CPAMD8: variants seen among roughly 807,000 people sequenced by gnomAD.
The protein encoded by CPAMD8 is C3 and PZP like alpha-2-macroglobulin domain containing 8.
CPAMD8 carries 146 observed loss-of-function variants against 224.7 expected under a neutral mutation model. The observed-to-expected ratio is 0.65, with a 90% CI of 0.57 to 0.75. The LOEUF is 0.75. Among genes scored for constraint, CPAMD8 ranks in the 30% least tolerant of loss-of-function variants. The probability of loss-of-function intolerance (pLI) is 0.00; values close to 1 mark genes in which losing one functional copy is unlikely to be tolerated. For missense variants in CPAMD8, 2,301 were observed against 2,537.5 expected, an observed-to-expected ratio of 0.91 and a Z score of 2.00; for synonymous variants, 966 against 1,044.6, an observed-to-expected ratio of 0.92 and a Z score of 1.45.
chr19:16,950,019 C>T (rs1208395514), intron 20 of CPAMD8, among the ~76,000 whole-genome samples: 3 of 152,162 alleles, frequency 2.0e-5, no homozygotes, highest in African/African-American at 7.2e-5. Flanking sequence ...TGAAGGTGGC[C>T]AGGCGTGGTG....
intron 3 of CPAMD8, among the ~76,000 whole-genome samples, chr19:17,012,670 A>G (rs2056694046): frequency 6.6e-6 from 1 of 152,172 alleles, no homozygotes; most frequent in African/African-American, 2.4e-5. Context: ...GAGGCTGAGA[A>G]ACACTGGTCT....
rs758536032 is a variant in CPAMD8 at position 16,989,746 on chromosome 19, T to A, written c.1292A>T (p.Lys431Met). 1 of 1,614,034 alleles carries A rather than the reference T, an allele frequency of 6.2e-7. No individual in the cohort carries two copies. Among genetic ancestry groups the A allele is most frequent in the African/African-American group, 1.3e-5 (1 of 75,050 alleles). The change falls in exon 13 of 42, where the codon AAG (lysine) becomes ATG (methionine). Residue 431 changes from lysine (K) to methionine (M), a missense_variant. Lys to Met is a moderately conservative substitution (Grantham distance 95). This residue lies in a region of CPAMD8 where 301 missense variants were observed against 406.6 expected (regional missense o/e 0.74). Transcript: ENST00000443236. ...GGGCAGGTACTGAGCCCCCACAGGC[T>A]TCCCGTTCAGTGCCATCACCTTGGT... The part of the protein sequence containing the change: ...LETKVMALNG[K>M]PVGAQYLPSY...
Position 16,925,472 on chromosome 19 carries a change from G to A in CPAMD8, c.3371-100C>T, listed in dbSNP as rs555221601. 20 of 953,388 alleles carry A rather than the reference G, an allele frequency of 2.1e-5. No individual in the cohort carries two copies. In the Admixed American group the frequency reaches 4.0e-4, roughly 19 times the overall value. 59.1% of individuals were successfully genotyped at this position (953,388 alleles called of 1,614,324 possible). ...GATGGGAGACAGTGAGTGTCATGCAGTCAGCCACCCAACTGCCCTTTGGGA... is the reference window on the plus strand; with the variant it reads ...GATGGGAGACAGTGAGTGTCATGCAATCAGCCACCCAACTGCCCTTTGGGA... On this transcript the variant is annotated intron_variant, in intron 25 of 41. Coordinates refer to ENST00000443236, the MANE Select transcript of CPAMD8 (RefSeq NM_015692.5).
At chr19:17,001,977 G>A (rs896662485) in intron 9 of CPAMD8, among the ~76,000 whole-genome samples, 6 of 151,070 alleles carry the variant, frequency 4.0e-5, no homozygotes, top group African/African-American at 1.5e-4. Flanking sequence ...GAGGGAGGAG[G>A]ACACCCCAGG....
intron 25 of CPAMD8, 36 bp downstream of exon 25, chr19:16,927,973 C>A (rs752415164): frequency 2.0e-6 from 3 of 1,502,678 alleles, no homozygotes; most frequent in Non-Finnish European, 2.8e-6. Flanking sequence ...CTCTTGCCCC[C>A]TGACCTCTCC....
At position 16,898,142 on chromosome 19, in the gene CPAMD8, T is replaced by G; in HGVS notation, c.4849-148A>C. ...CCCATTTTCTTTTTTTCTTTTACTT[T>G]TCTTTTTTTTTTTTTTTCCTGAGAC... On this transcript the variant is annotated intron_variant, in intron 37 of 41. Transcript: ENST00000443236. This position sits in a 1 kb window ranked among gnomAD's most constrained non-coding sequence, Gnocchi z 4.2. 1.7e-6 allele frequency: 1 copy of G among 593,156 alleles called. No homozygotes were observed. The highest frequency in any genetic ancestry group is 2.9e-6 in the Non-Finnish European group (1 of 344,316). 36.7% of individuals were successfully genotyped at this position (593,156 alleles called of 1,614,324 possible).
chr19:16,957,588 A>G (rs2054512203), intron 19 of CPAMD8: 3 of 422,278 alleles, frequency 7.1e-6, no homozygotes, highest in South Asian at 7.8e-5. Flanking sequence ...CGTTATACAA[A>G]CAGAGCAGAT....
At chr19:17,002,496 G>A (rs1409004925) in intron 8 of CPAMD8, 146 bp from the exon 9 acceptor site, 1 of 572,068 alleles carries the variant, frequency 1.7e-6, no homozygotes, top group Admixed American at 2.9e-5. Context: ...ACTCTGCTGA[G>A]CAGCCCTGGG....
chr19:16,973,642 C>A, intron 17 of CPAMD8, among the ~76,000 whole-genome samples: 1 of 151,888 alleles, frequency 6.6e-6, no homozygotes, highest in East Asian at 1.9e-4. Flanking sequence ...AGACACCACA[C>A]CTGGCCAGAA....
intron 19 of CPAMD8, 35 bp downstream of exon 19, chr19:16,957,818 G>C: frequency 6.2e-7 from 1 of 1,610,234 alleles, no homozygotes; most frequent in Non-Finnish European, 8.5e-7. Flanking sequence ...TCACTCAACC[G>C]GCAAAGTCAG....
chr19:16,930,266 GA>G (rs918089505), intron 23 of CPAMD8, among the ~76,000 whole-genome samples: 39 of 142,260 alleles, frequency 2.7e-4, no homozygotes, highest in Middle Eastern at 3.5e-3. Flanking sequence ...AAAAAAAAAA[GA>G]AAAAAAAAAG....
At chr19:16,967,017 C>T (rs1305758968) in intron 18 of CPAMD8, among the ~76,000 whole-genome samples, 3 of 152,050 alleles carry the variant, frequency 2.0e-5, no homozygotes, top group Admixed American at 6.6e-5. Flanking sequence ...ATAAATTATG[C>T]TACTATAAAG....
At chr19:16,978,838 A>C (rs544821537) in intron 14 of CPAMD8, among the ~76,000 whole-genome samples, 47 of 150,392 alleles carry the variant, frequency 3.1e-4, no homozygotes, top group Admixed American at 3.0e-3. Flanking sequence ...CCACTCACCC[A>C]CCATCCACCC....
intron 24 of CPAMD8, among the ~76,000 whole-genome samples, chr19:16,928,509 A>G (rs1480412510): frequency 6.6e-6 from 1 of 152,100 alleles, no homozygotes; most frequent in Non-Finnish European, 1.5e-5. Context: ...TGCCTAGAGA[A>G]CCTACTCTGC....
At chr19:16,968,826 A>G (rs2054949313) in intron 18 of CPAMD8, among the ~76,000 whole-genome samples, 1 of 151,936 alleles carries the variant, frequency 6.6e-6, no homozygotes, top group Non-Finnish European at 1.5e-5. Flanking sequence ...TTGTGTAGAG[A>G]CAAGGTTTTG....
intron 20 of CPAMD8, among the ~76,000 whole-genome samples, chr19:16,950,793 GAAAAAAA>G (rs757775739): frequency 6.3e-4 from 29 of 45,886 alleles, no homozygotes; most frequent in Non-Finnish European, 7.3e-4. Context: ...ACCCTGTCTC[GAAAAAAA>G]AAAAAAAAAA....
chr19:16,957,311 C>T (rs757355329), intron 19 of CPAMD8, among the ~76,000 whole-genome samples: 3 of 152,204 alleles, frequency 2.0e-5, no homozygotes, highest in Admixed American at 6.5e-5. Flanking sequence ...ACTGGTTTGC[C>T]GGGGCACGCC....
At chr19:16,972,665 A>T (rs1189930967) in intron 17 of CPAMD8, among the ~76,000 whole-genome samples, 1 of 151,872 alleles carries the variant, frequency 6.6e-6, no homozygotes, top group Non-Finnish European at 1.5e-5. Flanking sequence ...CGATCTCCTG[A>T]CCTCGTGATC....
chr19:17,017,101 C>G (rs1194402788), intron 3 of CPAMD8, among the ~76,000 whole-genome samples: 1 of 152,102 alleles, frequency 6.6e-6, no homozygotes, highest in Non-Finnish European at 1.5e-5. Flanking sequence ...CTCCGCCTCC[C>G]ATCAGATCAG....
Sources: gnomAD v4.1 joint callset for allele counts (sites outside exome capture counted in the v4.1 genomes callset) on GRCh38, gnomAD v4.1.1 for gene constraint, gnomAD v4.1.1 regional missense constraint, Gnocchi (gnomAD v3.1) non-coding constraint, MANE v1.5 for transcripts, NCBI Gene and HGNC (gene_info 2026-07-23, HGNC 2026-07-21) for gene names.